RBL1: variants seen among roughly 807,000 people sequenced by gnomAD.
RBL1 encodes retinoblastoma-like protein 1.
In RBL1, 82 loss-of-function variants were observed where a neutral mutation model predicts 123.0. The observed-to-expected ratio is 0.67, with a 90% CI of 0.56 to 0.80. The LOEUF (loss-of-function observed/expected upper bound fraction) is 0.80. Among genes scored for constraint, RBL1 ranks in the 30% least tolerant of loss-of-function variants. The pLI is 0.00. For missense variants in RBL1, 1,171 were observed against 1,299.6 expected (o/e 0.90, Z 1.52); for synonymous variants, 405 against 441.3 (o/e 0.92, Z 1.03).
chr20:37,060,173 AAAAT>A (rs11473427), intron 9 of RBL1, among the ~76,000 whole-genome samples: 2,379 of 146,374 alleles, frequency 0.016, 70 homozygotes, highest in African/African-American at 0.052. Flanking sequence ...ACTCTGTCTC[AAAAT>A]AAATAAATAA....
chr20:37,022,957 T>C, intron 16 of RBL1, 131 bp from the exon 17 acceptor site: 1 of 717,818 alleles, frequency 1.4e-6, no homozygotes, highest in Non-Finnish European at 2.2e-6. Flanking sequence ...TTCTGTTCTA[T>C]AGCACTAGTT....
Position 37,047,206 on chromosome 20 carries a change from G to C in RBL1, c.1468-16C>G. On this transcript the variant is annotated splice_polypyrimidine_tract_variant and intron_variant, in intron 11 of 21. Coordinates refer to ENST00000373664, the MANE Select transcript of RBL1 (RefSeq NM_002895.5). ...CTAAAAGAACCTGGGGGAAGAGAAA[G>C]ACCACAGTTTAATATTTTTCAGCAA... 6.4e-7 allele frequency: 1 copy of C among 1,571,574 alleles called. No homozygotes were observed. Among genetic ancestry groups the C allele is most frequent in the Non-Finnish European group, 8.5e-7 (1 of 1,169,644 alleles).
rs1005722251 is a variant in RBL1, at chr20:36,997,217, C to A, written c.*1542G>T. 2 of 152,050 alleles carry A rather than the reference C, an allele frequency of 1.3e-5. No individual in the cohort carries two copies. Among genetic ancestry groups the A allele is most frequent in the African/African-American group, 4.8e-5 (2 of 41,406 alleles). 9.4% of individuals were successfully genotyped at this position (152,050 alleles called of 1,614,324 possible). ...GGAAAGCATCCCTAGTACTGAAAAG[C>A]ATCCCTAGCACTGAAAAAAGCATCC... is the stretch of plus-strand genomic sequence containing the variant. On this transcript the variant is annotated 3_prime_UTR_variant, in exon 22 of 22. Coordinates refer to ENST00000373664, the MANE Select transcript of RBL1 (RefSeq NM_002895.5).
At chr20:37,065,761 G>GCACCACCATGCCCA (rs1270643266) in intron 6 of RBL1, among the ~76,000 whole-genome samples, 4 of 151,368 alleles carry the variant, frequency 2.6e-5, no homozygotes, top group Non-Finnish European at 5.9e-5. Flanking sequence ...CTACAGTTGT[G>GCACCACCATGCCCA]CACCACCATG....
chr20:37,054,390 CA>C (rs1306006141), intron 11 of RBL1, among the ~76,000 whole-genome samples: 1 of 151,906 alleles, frequency 6.6e-6, no homozygotes, highest in Admixed American at 6.6e-5. Flanking sequence ...GAGGCTGAGG[CA>C]GAGAACTGCT....
In RBL1 at chr20:37,001,012, C is replaced by T. The variant is rs530448487; in HGVS notation, c.3037-2083G>A. ...CCTCTGCCTGGCCAGCCGCCCCATC[C>T]GGGAGGGAGGTGGGGGGGGTCAGCC... is the stretch of plus-strand genomic sequence containing the variant. On this transcript the variant is annotated intron_variant, in intron 21 of 21. Transcript: ENST00000373664. 2.0e-3 allele frequency among the ~76,000 whole-genome samples: 286 copies of T among 144,512 alleles called. 3 individuals are homozygous for T. Among genetic ancestry groups the T allele is most frequent in the African/African-American group, 6.8e-3 (265 of 38,946 alleles). The allele number at this position is 144,512 out of a possible 152,430, so 94.8% of individuals were successfully genotyped here. A position where few individuals can be genotyped will look rare whatever the true frequency, so the allele number is the denominator to read the frequency against.
At chr20:37,012,049 G>C (rs571551140) in intron 19 of RBL1, among the ~76,000 whole-genome samples, 53 of 152,326 alleles carry the variant, frequency 3.5e-4, no homozygotes, top group African/African-American at 1.2e-3. Flanking sequence ...TTTTTTGGTG[G>C]AGACGGGGTT....
rs1459822133 is a variant in RBL1, at chr20:37,012,433, G to A, written c.2723-4874C>T. Among the ~76,000 whole-genome samples, 7 of 150,842 alleles carry A rather than the reference G, an allele frequency of 4.6e-5. No homozygotes were observed. The East Asian group carries it at 1.2e-3, about 25-fold the overall frequency. ...TAGGAAGTGAGGAGCGCCTCTTCCC[G>A]GCCGCCATCCCATCTACGAAGTGAG... On this transcript the variant is annotated intron_variant, in intron 19 of 21. Transcript: ENST00000373664.
chr20:37,066,583 T>G, intron 6 of RBL1, 141 bp downstream of exon 6: 1 of 723,862 alleles, frequency 1.4e-6, no homozygotes, highest in Non-Finnish European at 2.2e-6. Flanking sequence ...CATAAGGAAA[T>G]TCTGAATCAC....
intron 21 of RBL1, among the ~76,000 whole-genome samples, chr20:37,000,144 C>T (rs1344439342): frequency 2.7e-5 from 4 of 149,782 alleles, no homozygotes; most frequent in African/African-American, 9.8e-5. Flanking sequence ...CCCGGCCGCC[C>T]CGTCTGAGAA....
chr20:37,042,944 C>G (rs1227997282), intron 13 of RBL1, among the ~76,000 whole-genome samples: 1 of 134,054 alleles, frequency 7.5e-6, no homozygotes, highest in African/African-American at 2.8e-5. Context: ...GTGGAAACAA[C>G]TCAAATATTT....
intron 1 of RBL1, among the ~76,000 whole-genome samples, chr20:37,094,639 G>A (rs2057866382): frequency 6.6e-6 from 1 of 152,064 alleles, no homozygotes; most frequent in African/African-American, 2.4e-5. Flanking sequence ...TGCTCGTCTG[G>A]GTTTCTTTCT....
chr20:37,093,577 T>C (rs2065682087), intron 1 of RBL1, among the ~76,000 whole-genome samples: 1 of 151,868 alleles, frequency 6.6e-6, no homozygotes, highest in African/African-American at 2.4e-5. Context: ...AGTTTGAGTT[T>C]ACAGTGAGCT....
At position 37,075,349 on chromosome 20, in the gene RBL1, A is replaced by G. The variant is rs1371153002; in HGVS notation, c.291-7163T>C. ...CTGTACAGTTTAAAGGATGAATTATATGGTATGTCATAATATCTCAATAGG... is the reference window on the plus strand; with the variant it reads ...CTGTACAGTTTAAAGGATGAATTATGTGGTATGTCATAATATCTCAATAGG... On this transcript the variant is annotated intron_variant, in intron 2 of 21. Transcript: ENST00000373664. Among the ~76,000 whole-genome samples, 5 of 152,210 alleles carry G rather than the reference A, an allele frequency of 3.3e-5. No homozygotes were observed. The East Asian group carries it at 9.6e-4, about 29-fold the overall frequency.
chr20:37,000,564 C>T (rs1298959945), intron 21 of RBL1, among the ~76,000 whole-genome samples: 256 of 140,616 alleles, frequency 1.8e-3, no homozygotes, highest in African/African-American at 6.6e-3. Flanking sequence ...GCCCCTCTGC[C>T]CGGCCAGCCG....
chr20:37,071,361 A>G (rs1421772786), intron 2 of RBL1, among the ~76,000 whole-genome samples: 3 of 152,118 alleles, frequency 2.0e-5, no homozygotes, highest in Non-Finnish European at 4.4e-5. Flanking sequence ...TCATGTTGCA[A>G]TGTAATTTCC....
intron 21 of RBL1, among the ~76,000 whole-genome samples, chr20:37,000,413 AG>A (rs2063951191): frequency 1.0e-5 from 1 of 96,908 alleles, no homozygotes; most frequent in Non-Finnish European, 2.2e-5. Flanking sequence ...TCCAGGAGGG[AG>A]GTGGGGGGGT....
intron 21 of RBL1, among the ~76,000 whole-genome samples, chr20:37,001,452 T>A (rs879654316): frequency 0.015 from 2,117 of 145,384 alleles, no homozygotes; most frequent in Non-Finnish European, 0.021. Flanking sequence ...TGTTGATCTG[T>A]GACCTTACCC....
chr20:37,010,704 C>CA, intron 19 of RBL1, among the ~76,000 whole-genome samples: 1 of 152,174 alleles, frequency 6.6e-6, no homozygotes, highest in South Asian at 2.1e-4. Context: ...CTTATAGGAC[C>CA]ACTGTTGTAT....
Sources: allele counts gnomAD v4.1 joint callset (sites outside exome capture counted in the v4.1 genomes callset), GRCh38; gene constraint gnomAD v4.1.1; transcripts MANE v1.5; gene names NCBI Gene and HGNC (gene_info 2026-07-23, HGNC 2026-07-21).